Variants in FNIP2 observed in about 807,000 individuals in gnomAD.
FNIP2 encodes folliculin-interacting protein 2.
In FNIP2, 32 loss-of-function variants were observed where a neutral mutation model predicts 108.7. That is an observed-to-expected ratio of 0.29 (90% confidence interval 0.22 to 0.40). The LOEUF is 0.40. Among genes scored for constraint, FNIP2 ranks in the 10% least tolerant of loss-of-function variants. FNIP2 has a pLI of 1.00. For synonymous variants in FNIP2, 480 were observed against 496.7 expected (o/e 0.97, Z 0.45); for missense variants, 1,202 against 1,381.6 (o/e 0.87, Z 2.06).
Position 158,859,051 on chromosome 4 carries a change from C to T in FNIP2, c.858-6C>T. The T allele has an allele frequency of 1.2e-6, 2 of 1,613,372 alleles. No individual in the cohort carries two copies. Among genetic ancestry groups the T allele is most frequent in the Non-Finnish European group, 1.7e-6 (2 of 1,179,568 alleles). Reference sequence around the variant, plus strand: ...GGCAACTTTTCAAACTTATATTTCCCTCCAGGTCAACTGATGAGACATTCA... The same window carrying T: ...GGCAACTTTTCAAACTTATATTTCCTTCCAGGTCAACTGATGAGACATTCA... On this transcript the variant is annotated splice_region_variant and splice_polypyrimidine_tract_variant and intron_variant, in intron 8 of 16. Transcript: ENST00000264433.
At chr4:158,846,062 C>T (rs940411620) in intron 7 of FNIP2, among the ~76,000 whole-genome samples, 1 of 152,170 alleles carries the variant, frequency 6.6e-6, no homozygotes, top group African/African-American at 2.4e-5. Context: ...ACTTGGCCCA[C>T]CTTTTCCGAG....
chr4:158,853,144 A>G, intron 8 of FNIP2, among the ~76,000 whole-genome samples: 1 of 152,308 alleles, frequency 6.6e-6, no homozygotes, highest in East Asian at 1.9e-4. Flanking sequence ...TTATATTATA[A>G]TATCATTATG....
At chr4:158,824,279 C>T (rs1418713030) in intron 1 of FNIP2, among the ~76,000 whole-genome samples, 1 of 152,204 alleles carries the variant, frequency 6.6e-6, no homozygotes, top group Non-Finnish European at 1.5e-5. Flanking sequence ...TCTCATTGTA[C>T]TGATGAAGAA....
intron 8 of FNIP2, 106 bp downstream of exon 8, chr4:158,851,556 A>T: frequency 7.3e-7 from 1 of 1,374,728 alleles, no homozygotes; most frequent in Non-Finnish European, 9.9e-7. Context: ...AAAAACCAAA[A>T]CTTTTTTATT....
chr4:158,852,627 G>A (rs1032771915), intron 8 of FNIP2, among the ~76,000 whole-genome samples: 6 of 152,088 alleles, frequency 3.9e-5, no homozygotes, highest in East Asian at 3.8e-4. Flanking sequence ...AATCAAGTCC[G>A]GTGTTTAGCC....
At chr4:158,900,340 G>A (rs537843999) in intron 16 of FNIP2, among the ~76,000 whole-genome samples, 2 of 152,202 alleles carry the variant, frequency 1.3e-5, no homozygotes, top group South Asian at 2.1e-4. Context: ...GGAGAGTTCT[G>A]TAGATGTCTA....
At chr4:158,877,317 G>A (rs1781339160) in intron 14 of FNIP2, among the ~76,000 whole-genome samples, 1 of 152,114 alleles carries the variant, frequency 6.6e-6, no homozygotes, top group African/African-American at 2.4e-5. Flanking sequence ...AGACCATCTT[G>A]CCACACTTTG....
At chr4:158,810,288 A>G (rs886773533) in intron 1 of FNIP2, among the ~76,000 whole-genome samples, 4 of 152,220 alleles carry the variant, frequency 2.6e-5, no homozygotes, top group African/African-American at 7.2e-5. Flanking sequence ...GTAGAGAGAA[A>G]AAACAAACCC....
chr4:158,811,557 A>AATAATC (rs1304960311), intron 1 of FNIP2, among the ~76,000 whole-genome samples: 1 of 151,850 alleles, frequency 6.6e-6, no homozygotes. Context: ...AATATTAATT[A>AATAATC]ATAATAATAA....
chr4:158,881,424 CTT>C (rs1297152623), intron 14 of FNIP2, among the ~76,000 whole-genome samples: 6 of 143,588 alleles, frequency 4.2e-5, no homozygotes, highest in Non-Finnish European at 7.7e-5. Context: ...CTCTCCCTCT[CTT>C]TCCACGGTCT....
Position 158,859,680 on chromosome 4 carries a change from G to C in FNIP2, c.1148+14G>C. ...GGGAGAATTCAGGTAAAGTGGCAAA[G>C]TTTGGCAAATCCAACAGGAGATGTT... On this transcript the variant is annotated intron_variant, in intron 10 of 16. Transcript: ENST00000264433. 1 of 1,607,850 alleles carries C rather than the reference G, an allele frequency of 6.2e-7. No homozygotes were observed. Among genetic ancestry groups the C allele is most frequent in the African/African-American group, 1.3e-5 (1 of 74,936 alleles).
rs1217730591 is a variant in FNIP2 at position 158,817,749 on chromosome 4, T to C, written c.108-8167T>C. On this transcript the variant is annotated intron_variant, in intron 1 of 16. Coordinates refer to ENST00000264433, the MANE Select transcript of FNIP2 (RefSeq NM_020840.3). ...TTTTAGTAGAGATGGGGTTTCACCA[T>C]GTTGGCCATGCTGGTCTCAGACTTC... is the stretch of plus-strand genomic sequence containing the variant. 2.0e-5 allele frequency among the ~76,000 whole-genome samples: 3 copies of C among 152,180 alleles called. No individual in the cohort carries two copies. In the East Asian group the frequency reaches 5.8e-4, roughly 29 times the overall value.
chr4:158,853,372 TA>T (rs1313219422), intron 8 of FNIP2, among the ~76,000 whole-genome samples: 28 of 152,234 alleles, frequency 1.8e-4, no homozygotes, highest in African/African-American at 6.0e-4. Flanking sequence ...AACATCTGGA[TA>T]AATTTTTTTT....
chr4:158,852,759 CATT>C (rs1186227523), intron 8 of FNIP2, among the ~76,000 whole-genome samples: 3 of 152,194 alleles, frequency 2.0e-5, no homozygotes, highest in South Asian at 2.1e-4. Flanking sequence ...TCCTCACTGT[CATT>C]ATGACAGCTT....
At chr4:158,802,271 T>A (rs1776788828) in intron 1 of FNIP2, among the ~76,000 whole-genome samples, 1 of 152,152 alleles carries the variant, frequency 6.6e-6, no homozygotes, top group African/African-American at 2.4e-5. Context: ...AAGAGGAGGA[T>A]CATTTGTGAT....
chr4:158,831,687 G>T (rs1487925711), intron 3 of FNIP2, among the ~76,000 whole-genome samples, 174 bp from the exon 4 acceptor site: 2 of 152,116 alleles, frequency 1.3e-5, no homozygotes, highest in Non-Finnish European at 2.9e-5. Flanking sequence ...GTAATACTTT[G>T]GGGGGGAAAA....
At chr4:158,815,444 G>C (rs1777510215) in intron 1 of FNIP2, among the ~76,000 whole-genome samples, 1 of 149,084 alleles carries the variant, frequency 6.7e-6, no homozygotes, top group Middle Eastern at 3.5e-3. Context: ...ATGCAGTGGC[G>C]CCAGCTCCGC....
chr4:158,835,502 A>G (rs748733115), intron 7 of FNIP2, 26 bp downstream of exon 7: 58 of 1,601,958 alleles, frequency 3.6e-5, no homozygotes, highest in Non-Finnish European at 4.9e-5. Context: ...TTATTGGTTT[A>G]ACTAACAGAG....
At chr4:158,857,396 A>G (rs1008522811) in intron 8 of FNIP2, among the ~76,000 whole-genome samples, 2 of 152,254 alleles carry the variant, frequency 1.3e-5, no homozygotes, top group African/African-American at 2.4e-5. Flanking sequence ...ATTGTATGAA[A>G]TTGTGTGAAG....
Sources: gnomAD v4.1 joint callset for allele counts (sites outside exome capture counted in the v4.1 genomes callset) on GRCh38, gnomAD v4.1.1 for gene constraint, MANE v1.5 for transcripts, NCBI Gene and HGNC (gene_info 2026-07-23, HGNC 2026-07-21) for gene names.